The following EIPR1 variants were observed in gnomAD, a reference collection of about 807,000 sequenced individuals.
The protein encoded by EIPR1 is EARP and GARP complex-interacting protein 1.
In EIPR1, 25 loss-of-function variants were observed where a neutral mutation model predicts 48.1. The ratio of observed to expected loss-of-function variants is 0.52; its 90% CI spans 0.38 to 0.73. The LOEUF (loss-of-function observed/expected upper bound fraction) is 0.73. EIPR1 is among the 30% of genes least tolerant of loss of function. The pLI, the probability that EIPR1 is intolerant of heterozygous loss-of-function variation, is 0.00. For missense variants in EIPR1, 415 were observed against 506.2 expected (o/e 0.82, Z 1.73); for synonymous variants, 204 against 201.9 (o/e 1.01, Z -0.09).
chr2:3,191,910 G>C (rs1664617873), intron 8 of EIPR1, among the ~76,000 whole-genome samples: 5 of 152,202 alleles, frequency 3.3e-5, no homozygotes, highest in Admixed American at 3.3e-4. Flanking sequence ...GTATCTAGAA[G>C]TGAAGTAGGA....
chr2:3,258,369 T>C (rs1451229304), intron 3 of EIPR1, among the ~76,000 whole-genome samples: 1 of 152,238 alleles, frequency 6.6e-6, no homozygotes, highest in Non-Finnish European at 1.5e-5. Flanking sequence ...TTCAATTGAA[T>C]ATGTGCTAAA....
rs552306065 is a variant in EIPR1 at position 3,267,053 on chromosome 2, G to A, written c.260-9598C>T. Reference sequence around the variant, plus strand: ...ACCCCCACACCCTGAATCAATGCCAGTCCTACTGGACCCAACACATCACAG... The same window carrying A: ...ACCCCCACACCCTGAATCAATGCCAATCCTACTGGACCCAACACATCACAG... On this transcript the variant is annotated intron_variant, in intron 3 of 8. Coordinates refer to ENST00000382125, the MANE Select transcript of EIPR1 (RefSeq NM_003310.5). Among the ~76,000 whole-genome samples, 9 of 152,332 alleles carry A rather than the reference G, an allele frequency of 5.9e-5. No homozygotes were observed. In the South Asian group the frequency reaches 1.9e-3, roughly 32 times the overall value.
intron 2 of EIPR1, among the ~76,000 whole-genome samples, chr2:3,351,267 C>G (rs1670570525): frequency 6.6e-6 from 1 of 152,188 alleles, no homozygotes; most frequent in Non-Finnish European, 1.5e-5. Context: ...TCCTGAAGTG[C>G]TGGGATTACA....
chr2:3,192,892 C>T (rs571272321), intron 7 of EIPR1, among the ~76,000 whole-genome samples: 1 of 152,220 alleles, frequency 6.6e-6, no homozygotes, highest in African/African-American at 2.4e-5. Flanking sequence ...AAAATACTGT[C>T]CCAGAAGCAA....
chr2:3,303,685 G>A (rs764274932), intron 3 of EIPR1, among the ~76,000 whole-genome samples: 12 of 152,182 alleles, frequency 7.9e-5, no homozygotes, highest in Non-Finnish European at 1.8e-4. Flanking sequence ...CCACAAACCC[G>A]CCAGACGCCG....
intron 5 of EIPR1, among the ~76,000 whole-genome samples, chr2:3,204,864 C>A (rs1665173587): frequency 6.6e-6 from 1 of 152,024 alleles, no homozygotes; most frequent in Admixed American, 6.5e-5. Flanking sequence ...GGCGCACTCC[C>A]AGCAGACCCT....
chr2:3,300,147 T>G (rs1232864945), intron 3 of EIPR1, among the ~76,000 whole-genome samples: 1 of 152,226 alleles, frequency 6.6e-6, no homozygotes, highest in African/African-American at 2.4e-5. Context: ...AATTCAACCC[T>G]GTGAAATCCC....
intron 3 of EIPR1, among the ~76,000 whole-genome samples, chr2:3,295,607 C>A (rs2103283064): frequency 3.5e-5 from 4 of 113,944 alleles, no homozygotes; most frequent in East Asian, 2.8e-4. Flanking sequence ...CTCTGCACAC[C>A]CTCCATCAAG....
At chr2:3,377,024 T>C (rs1045449523) in intron 1 of EIPR1, among the ~76,000 whole-genome samples, 5 of 152,212 alleles carry the variant, frequency 3.3e-5, no homozygotes, top group Admixed American at 1.3e-4. Flanking sequence ...ATTCGGTTCA[T>C]AGTCATTTGT....
At chr2:3,311,644 C>T (rs1201456709) in intron 3 of EIPR1, among the ~76,000 whole-genome samples, 1 of 152,224 alleles carries the variant, frequency 6.6e-6, no homozygotes, top group African/African-American at 2.4e-5. Context: ...CGTTCAGAAT[C>T]AGGAGGGCAT....
At chr2:3,363,802 G>GC (rs1445703663) in intron 1 of EIPR1, among the ~76,000 whole-genome samples, 7 of 55,346 alleles carry the variant, frequency 1.3e-4, no homozygotes, top group Non-Finnish European at 3.3e-4. Context: ...CAACTCAACA[G>GC]CAAAAAAAAA....
In EIPR1 at chr2:3,286,216, T is replaced by G. The variant is rs1025755002; in HGVS notation, c.260-28761A>C. On this transcript the variant is annotated intron_variant, in intron 3 of 8. Coordinates refer to ENST00000382125, the MANE Select transcript of EIPR1 (RefSeq NM_003310.5). This position sits in a 1 kb window ranked among gnomAD's most constrained non-coding sequence, Gnocchi z 4.2. ...AGAACCCATGAGCAGCACAAAAGGT[T>G]GTTTTTATGCTAATAAAAAAAAATA... 1.3e-5 allele frequency among the ~76,000 whole-genome samples: 2 copies of G among 152,218 alleles called. No homozygotes were observed. Among genetic ancestry groups the G allele is most frequent in the African/African-American group, 2.4e-5 (1 of 41,452 alleles).
At chr2:3,319,995 C>A in intron 3 of EIPR1, 1 of 200,460 alleles carries the variant, frequency 5.0e-6, no homozygotes, top group Non-Finnish European at 1.0e-5. Context: ...AATACCACAC[C>A]TGCGGGCAAC....
At chr2:3,268,351 T>A (rs966894559) in intron 3 of EIPR1, among the ~76,000 whole-genome samples, 1 of 152,020 alleles carries the variant, frequency 6.6e-6, no homozygotes, top group African/African-American at 2.4e-5. Context: ...GACCGCCCAC[T>A]CCCCACCTGC....
chr2:3,332,438 C>G (rs1022645443), intron 3 of EIPR1, among the ~76,000 whole-genome samples: 2 of 152,246 alleles, frequency 1.3e-5, no homozygotes, highest in Non-Finnish European at 2.9e-5. Flanking sequence ...GGCAACACCA[C>G]AGCCTCTCAG....
At chr2:3,276,177 AG>A (rs1667842854) in intron 3 of EIPR1, among the ~76,000 whole-genome samples, 2 of 152,250 alleles carry the variant, frequency 1.3e-5, no homozygotes, top group South Asian at 4.1e-4. Flanking sequence ...ATTACCATTT[AG>A]GGTGAAAATC....
intron 4 of EIPR1, among the ~76,000 whole-genome samples, chr2:3,215,928 A>G (rs1665616223): frequency 6.6e-6 from 1 of 152,244 alleles, no homozygotes; most frequent in Admixed American, 6.5e-5. Context: ...ATTGTATCTT[A>G]TCTATTCATA....
chr2:3,215,997 C>T (rs1048418526), intron 4 of EIPR1, among the ~76,000 whole-genome samples: 1 of 152,172 alleles, frequency 6.6e-6, no homozygotes, highest in African/African-American at 2.4e-5. Flanking sequence ...TGCTGAAAAA[C>T]CTGCTCCAAA....
At chr2:3,208,679 C>A in intron 5 of EIPR1, 1 of 1,550,604 alleles carries the variant, frequency 6.4e-7, no homozygotes, top group Non-Finnish European at 8.7e-7. Context: ...CATAACTCAA[C>A]CCCAATTCCC....
Sources: gnomAD v4.1 joint callset for allele counts (sites outside exome capture counted in the v4.1 genomes callset) on GRCh38, gnomAD v4.1.1 for gene constraint, Gnocchi (gnomAD v3.1) non-coding constraint, MANE v1.5 for transcripts, NCBI Gene and HGNC (gene_info 2026-07-23, HGNC 2026-07-21) for gene names.